Variants in NELL1 observed in about 807,000 individuals in gnomAD.
The protein encoded by NELL1 is neural EGFL like 1, also known as protein kinase C-binding protein NELL1.
In NELL1, 76 loss-of-function variants were observed where a neutral mutation model predicts 107.4. The observed-to-expected ratio is 0.71, with a 90% confidence interval of 0.59 to 0.86. The LOEUF is 0.86. Among genes scored for constraint, NELL1 ranks in the 40% least tolerant of loss-of-function variants. NELL1 has a pLI of 0.00. For synonymous variants in NELL1, 353 were observed against 341.2 expected, an observed-to-expected ratio of 1.03 and a Z score of -0.38; for missense variants, 1,024 against 1,005.5, an observed-to-expected ratio of 1.02 and a Z score of -0.25.
At chr11:21,377,436 A>G (rs1851506110) in intron 15 of NELL1, among the ~76,000 whole-genome samples, 1 of 152,138 alleles carries the variant, frequency 6.6e-6, no homozygotes, top group Non-Finnish European at 1.5e-5. Flanking sequence ...ATCCTGTTGA[A>G]TGCAGTTTGC....
At chr11:21,565,129 AC>A (rs142620936) in intron 17 of NELL1, among the ~76,000 whole-genome samples, 3,854 of 152,014 alleles carry the variant, frequency 0.025, 164 homozygotes, top group African/African-American at 0.086. Context: ...TTTGAACCCA[AC>A]TAGCAGCATT....
chr11:20,970,061 A>G (rs12271251), intron 12 of NELL1, among the ~76,000 whole-genome samples: 93 of 101,042 alleles, frequency 9.2e-4, no homozygotes, highest in East Asian at 7.0e-3. Flanking sequence ...CTGTCCATCC[A>G]TCCATCCATC....
chr11:20,779,228 T>G (rs1856809051), intron 2 of NELL1, among the ~76,000 whole-genome samples: 1 of 152,076 alleles, frequency 6.6e-6, no homozygotes, highest in South Asian at 2.1e-4. Context: ...CAATGATGGG[T>G]GTTGGTTTAG....
intron 13 of NELL1, among the ~76,000 whole-genome samples, chr11:21,143,488 T>C (rs1855912130): frequency 6.6e-6 from 1 of 151,866 alleles, no homozygotes; most frequent in South Asian, 2.1e-4. Flanking sequence ...TAGCGAAAAG[T>C]CCTTGGTGGA....
intron 3 of NELL1, among the ~76,000 whole-genome samples, chr11:20,787,018 A>AAAAAAAG (rs1856980155): frequency 4.7e-5 from 7 of 150,030 alleles, no homozygotes; most frequent in African/African-American, 1.5e-4. Context: ...AAAAAAAAAA[A>AAAAAAAG]AAAAAAAAAA....
rs933441883 is a variant in NELL1 at position 21,177,614 on chromosome 11, A to T, written c.1427-51718A>T. On this transcript the variant is annotated intron_variant, in intron 13 of 19. Transcript: ENST00000357134. ...ACATGTCTTTGACATAATGATTTCA[A>T]TTCCTTTGGGTATATGCTCAGTAGT... 3.3e-5 allele frequency among the ~76,000 whole-genome samples: 5 copies of T among 151,788 alleles called. No homozygotes were observed. The East Asian group carries it at 7.7e-4, about 23-fold the overall frequency.
intron 14 of NELL1, among the ~76,000 whole-genome samples, chr11:21,249,101 A>T (rs1385137511): frequency 6.6e-6 from 1 of 152,142 alleles, no homozygotes; most frequent in African/African-American, 2.4e-5. Context: ...AGTTTCTGTC[A>T]TTTTTTAACA....
chr11:21,435,704 G>A (rs1853095836), intron 15 of NELL1, among the ~76,000 whole-genome samples: 1 of 151,886 alleles, frequency 6.6e-6, no homozygotes, highest in South Asian at 2.1e-4. Context: ...ATATGTTGGT[G>A]TATTGCTGGG....
chr11:20,876,955 C>G (rs1849316968), intron 4 of NELL1, among the ~76,000 whole-genome samples: 1 of 152,080 alleles, frequency 6.6e-6, no homozygotes, highest in African/African-American at 2.4e-5. Flanking sequence ...TTTTGCTTTT[C>G]TAGTGGGGCT....
chr11:21,495,975 T>G lies in NELL1; in HGVS notation c.1646-38399T>G, dbSNP rs12577342. On this transcript the variant is annotated intron_variant, in intron 15 of 19. Coordinates refer to ENST00000357134, the MANE Select transcript of NELL1 (RefSeq NM_006157.5). ...TTATCTGTACCAAGTGGGTCCACTT[T>G]AAAAATAATTTAGAACTTGTTATTG... Among the ~76,000 whole-genome samples the G allele has an allele frequency of 0.016, 2,469 of 152,210 alleles. 199 individuals carry two copies. In the East Asian group the frequency reaches 0.26, roughly 16 times the overall value.
chr11:20,721,999 C>T (rs1855400386), intron 2 of NELL1, among the ~76,000 whole-genome samples: 1 of 147,772 alleles, frequency 6.8e-6, no homozygotes, highest in Non-Finnish European at 1.5e-5. Flanking sequence ...TGTCATGTTA[C>T]TTGACCTTTC....
chr11:21,090,972 A>C (rs1388130067), intron 12 of NELL1, among the ~76,000 whole-genome samples: 1 of 152,224 alleles, frequency 6.6e-6, no homozygotes, highest in African/African-American at 2.4e-5. Flanking sequence ...TTAACTTTTC[A>C]AACCTTAGTT....
At chr11:21,002,390 A>C (rs1852242798) in intron 12 of NELL1, among the ~76,000 whole-genome samples, 1 of 132,286 alleles carries the variant, frequency 7.6e-6, no homozygotes, top group Non-Finnish European at 1.6e-5. Context: ...TATAGCAGGG[A>C]AATGCTGTTA....
intron 5 of NELL1, among the ~76,000 whole-genome samples, chr11:20,917,677 C>G (rs1190272634): frequency 6.6e-6 from 1 of 151,946 alleles, no homozygotes; most frequent in Non-Finnish European, 1.5e-5. Context: ...CCACCTTTTA[C>G]TCTTAAGACT....
intron 1 of NELL1, among the ~76,000 whole-genome samples, chr11:20,676,103 C>A (rs1448789270): frequency 6.6e-6 from 1 of 152,084 alleles, no homozygotes; most frequent in Admixed American, 6.6e-5. Flanking sequence ...CCATGCTAGC[C>A]TTTTTTCTGT....
intron 2 of NELL1, among the ~76,000 whole-genome samples, chr11:20,763,469 T>A (rs1305399326): frequency 4.6e-5 from 7 of 152,174 alleles, no homozygotes; most frequent in Non-Finnish European, 8.8e-5. Flanking sequence ...TTCAGAGGGA[T>A]TAAATGACCA....
At chr11:21,368,315 A>G (rs1851277288) in intron 14 of NELL1, among the ~76,000 whole-genome samples, 3 of 151,264 alleles carry the variant, frequency 2.0e-5, no homozygotes, top group African/African-American at 4.9e-5. Context: ...ATAGCTCTTC[A>G]TCCCTATCCT....
At chr11:20,771,521 T>C (rs1168610634) in intron 2 of NELL1, among the ~76,000 whole-genome samples, 2 of 152,232 alleles carry the variant, frequency 1.3e-5, no homozygotes, top group African/African-American at 4.8e-5. Flanking sequence ...TTGCAGGCTA[T>C]GGACTTTTAA....
intron 7 of NELL1, among the ~76,000 whole-genome samples, chr11:20,924,814 G>A (rs184169935): frequency 3.3e-5 from 5 of 152,252 alleles, no homozygotes; most frequent in Admixed American, 3.3e-4. Flanking sequence ...AACTACTGGG[G>A]CTATGGAAAT....
Sources: gnomAD v4.1 joint callset for allele counts (sites outside exome capture counted in the v4.1 genomes callset) on GRCh38, gnomAD v4.1.1 for gene constraint, MANE v1.5 for transcripts, NCBI Gene and HGNC (gene_info 2026-07-23, HGNC 2026-07-21) for gene names.